The following TAFA5 variants were observed in gnomAD, a reference collection of about 807,000 sequenced individuals.
The protein encoded by TAFA5 is TAFA chemokine like family member 5, also known as chemokine-like protein TAFA-5.
TAFA5 carries 6 observed loss-of-function variants against 15.3 expected under a neutral mutation model. The observed-to-expected ratio is 0.39, with a 90% CI of 0.21 to 0.77. The LOEUF (loss-of-function observed/expected upper bound fraction) is 0.77, where lower values mean the gene tolerates loss of function less well. Among genes scored for constraint, TAFA5 ranks in the 30% least tolerant of loss-of-function variants. The pLI, the probability that TAFA5 is intolerant of heterozygous loss-of-function variation, is 0.41. For synonymous variants in TAFA5, 103 were observed against 80.7 expected (o/e 1.28, Z -1.48); for missense variants, 161 against 193.1 (o/e 0.83, Z 0.98).
chr22:48,716,707 G>A (rs9628615), intron 3 of TAFA5, among the ~76,000 whole-genome samples: 9,547 of 152,288 alleles, frequency 0.063, 363 homozygotes, highest in Admixed American at 0.095. Context: ...CCTGGAGAGC[G>A]CTTTGGGAAA....
chr22:48,623,447 C>A (rs13057130), intron 1 of TAFA5, among the ~76,000 whole-genome samples: 11,999 of 138,384 alleles, frequency 0.087, 735 homozygotes, highest in East Asian at 0.32. Flanking sequence ...TGCTGCGTGG[C>A]CCTGCGCGGT....
chr22:48,526,315 G>T (rs1035522674), intron 1 of TAFA5, among the ~76,000 whole-genome samples: 4 of 152,218 alleles, frequency 2.6e-5, no homozygotes, highest in African/African-American at 9.6e-5. Flanking sequence ...GGAGCCGAGG[G>T]AGCTTTCCAC....
chr22:48,616,522 T>G (rs1925611936), intron 1 of TAFA5, among the ~76,000 whole-genome samples: 1 of 152,170 alleles, frequency 6.6e-6, no homozygotes, highest in Non-Finnish European at 1.5e-5. Flanking sequence ...TCCTGGAGCC[T>G]GGCCGCTTGG....
chr22:48,641,549 G>T (rs1926676497), intron 1 of TAFA5, among the ~76,000 whole-genome samples: 2 of 107,032 alleles, frequency 1.9e-5, no homozygotes, highest in African/African-American at 3.7e-5. Context: ...CCCTCCCCTC[G>T]CACACGATGC....
chr22:48,689,524 A>C (rs1928471886), intron 2 of TAFA5, among the ~76,000 whole-genome samples: 1 of 152,206 alleles, frequency 6.6e-6, no homozygotes, highest in East Asian at 1.9e-4. Flanking sequence ...CTTGAGAGCA[A>C]GTCCTCTGGG....
chr22:48,671,158 G>T (rs115559125), intron 2 of TAFA5, among the ~76,000 whole-genome samples: 2 of 152,086 alleles, frequency 1.3e-5, no homozygotes, highest in South Asian at 4.2e-4. Context: ...TGTGCCCTCC[G>T]TGTCCTTAGC....
At chr22:48,495,099 G>T (rs1928280374) in intron 1 of TAFA5, among the ~76,000 whole-genome samples, 1 of 152,216 alleles carries the variant, frequency 6.6e-6, no homozygotes, top group South Asian at 2.1e-4. Context: ...CTCCCTGGAA[G>T]AGGCCTCCCT....
chr22:48,540,875 TA>T lies in TAFA5; in HGVS notation c.112+51189del, dbSNP rs34844674. ...CTGTCAGACCATTTTTCATTGACAGTAAAAAAAAAAAAAAAAAATACAAACA... is the reference window on the plus strand; with the variant it reads ...CTGTCAGACCATTTTTCATTGACAGTAAAAAAAAAAAAAAAAATACAAACA... On this transcript the variant is annotated intron_variant, in intron 1 of 3. Coordinates refer to ENST00000402357, the MANE Select transcript of TAFA5 (RefSeq NM_001082967.3). 6.2e-3 allele frequency among the ~76,000 whole-genome samples: 803 copies of T among 129,810 alleles called. 2 individuals are homozygous for T. The highest frequency in any genetic ancestry group is 0.018 in the African/African-American group (591 of 33,706). 85.2% of individuals were successfully genotyped at this position (129,810 alleles called of 152,430 possible).
intron 3 of TAFA5, among the ~76,000 whole-genome samples, chr22:48,735,088 C>T (rs901710304): frequency 4.6e-5 from 7 of 152,162 alleles, no homozygotes; most frequent in African/African-American, 7.2e-5. Context: ...TCATTCATTC[C>T]GACAGCTGCC....
intron 2 of TAFA5, among the ~76,000 whole-genome samples, chr22:48,665,756 A>G (rs991394221): frequency 3.3e-5 from 5 of 152,230 alleles, no homozygotes; most frequent in African/African-American, 9.6e-5. Flanking sequence ...ATTATCTTTT[A>G]TGTCTCATCC....
chr22:48,595,242 G>C (rs1407416144), intron 1 of TAFA5, among the ~76,000 whole-genome samples: 2 of 152,198 alleles, frequency 1.3e-5, no homozygotes, highest in Non-Finnish European at 2.9e-5. Context: ...AGCCTGGGAG[G>C]AGGCACCACC....
At chr22:48,627,420 G>A (rs1926062734) in intron 1 of TAFA5, among the ~76,000 whole-genome samples, 1 of 152,268 alleles carries the variant, frequency 6.6e-6, no homozygotes, top group Admixed American at 6.5e-5. Flanking sequence ...CACCCAGAGG[G>A]CGCCGCGTGC....
intron 1 of TAFA5, among the ~76,000 whole-genome samples, chr22:48,636,432 C>G (rs967578313): frequency 2.0e-5 from 3 of 152,216 alleles, no homozygotes; most frequent in African/African-American, 7.2e-5. Flanking sequence ...TCCATCAGAT[C>G]TTAAAGAATG....
At chr22:48,499,916 C>T (rs917612454) in intron 1 of TAFA5, among the ~76,000 whole-genome samples, 25 of 152,306 alleles carry the variant, frequency 1.6e-4, no homozygotes, top group Admixed American at 6.5e-5. Flanking sequence ...CCAACACACA[C>T]ACACCCGTGA....
Position 48,676,573 on chromosome 22 carries a change from C to A in TAFA5, c.262+29827C>A, listed in dbSNP as rs150777292. On this transcript the variant is annotated intron_variant, in intron 2 of 3. Transcript: ENST00000402357. Reference sequence around the variant, plus strand: ...CCACTCTCCAAGCCTGTGTGATGTCCAGTTCTTTTGTCCCAGCCATGCCTG... The same window carrying A: ...CCACTCTCCAAGCCTGTGTGATGTCAAGTTCTTTTGTCCCAGCCATGCCTG... 1.7e-3 allele frequency among the ~76,000 whole-genome samples: 256 copies of A among 152,332 alleles called. 2 individuals carry two copies. The highest frequency in any genetic ancestry group is 5.9e-3 in the African/African-American group (247 of 41,574).
chr22:48,683,546 T>C (rs1046109972), intron 2 of TAFA5, among the ~76,000 whole-genome samples: 6 of 152,348 alleles, frequency 3.9e-5, no homozygotes, highest in African/African-American at 1.4e-4. Flanking sequence ...AGCCAGGTCG[T>C]TGGGCCACAG....
chr22:48,576,568 G>A, intron 1 of TAFA5: 1 of 1,488,406 alleles, frequency 6.7e-7, no homozygotes, highest in South Asian at 1.3e-5. Context: ...GTTCCTCAAA[G>A]AAGGTAATTG....
At chr22:48,672,503 G>A (rs1207221908) in intron 2 of TAFA5, among the ~76,000 whole-genome samples, 3 of 152,198 alleles carry the variant, frequency 2.0e-5, no homozygotes, top group Non-Finnish European at 2.9e-5. Flanking sequence ...TATCAGATAA[G>A]CATTTCCTCA....
intron 3 of TAFA5, among the ~76,000 whole-genome samples, chr22:48,730,365 G>A (rs776275900): frequency 1.3e-5 from 2 of 150,684 alleles, no homozygotes; most frequent in African/African-American, 2.4e-5. Flanking sequence ...CAGCCTGGGC[G>A]ACAGAGCAAG....
Sources: gnomAD v4.1 joint callset for allele counts (sites outside exome capture counted in the v4.1 genomes callset) on GRCh38, gnomAD v4.1.1 for gene constraint, MANE v1.5 for transcripts, NCBI Gene and HGNC (gene_info 2026-07-23, HGNC 2026-07-21) for gene names.